Variants in ASCC3 observed in about 807,000 individuals in gnomAD.
The protein encoded by ASCC3 is activating signal cointegrator 1 complex subunit 3.
In ASCC3, 158 loss-of-function variants were observed where a neutral mutation model predicts 256.3. The ratio of observed to expected loss-of-function variants is 0.62; its 90% confidence interval spans 0.54 to 0.70. The LOEUF (loss-of-function observed/expected upper bound fraction) is 0.70. Among genes scored for constraint, ASCC3 ranks in the 30% least tolerant of loss-of-function variants. The pLI is 0.00. For missense variants in ASCC3, 2,259 were observed against 2,626.0 expected, an observed-to-expected ratio of 0.86 and a Z score of 3.05; for synonymous variants, 948 against 883.4, an observed-to-expected ratio of 1.07 and a Z score of -1.30.
intron 10 of ASCC3, among the ~76,000 whole-genome samples, chr6:100,763,072 G>C (rs1032269158): frequency 2.0e-5 from 3 of 152,116 alleles, no homozygotes; most frequent in Admixed American, 2.0e-4. Flanking sequence ...AGGAAAGCAA[G>C]AAATTCAAAC....
At chr6:100,865,785 T>C (rs181643324) in intron 2 of ASCC3, among the ~76,000 whole-genome samples, 1 of 152,298 alleles carries the variant, frequency 6.6e-6, no homozygotes, top group East Asian at 1.9e-4. Flanking sequence ...TCATATACTA[T>C]ATTACATGGT....
intron 10 of ASCC3, among the ~76,000 whole-genome samples, chr6:100,732,959 A>T (rs1006081773): frequency 1.3e-5 from 2 of 152,188 alleles, no homozygotes; most frequent in African/African-American, 4.8e-5. Flanking sequence ...AACTAACAAC[A>T]TTAGAAAAAA....
intron 36 of ASCC3, among the ~76,000 whole-genome samples, chr6:100,564,024 C>T (rs1020689452): frequency 7.3e-5 from 11 of 151,532 alleles, no homozygotes; most frequent in African/African-American, 2.7e-4. Flanking sequence ...CTGTTTGACG[C>T]CAAAGCCCAT....
intron 1 of ASCC3, among the ~76,000 whole-genome samples, chr6:100,872,467 G>GT (rs1355899932): frequency 3.8e-5 from 3 of 79,660 alleles, no homozygotes; most frequent in Non-Finnish European, 8.0e-5. Context: ...AAAAAAAAGG[G>GT]TCGGGGGGGG....
chr6:100,682,496 T>A (rs775106658), intron 13 of ASCC3, among the ~76,000 whole-genome samples: 3 of 152,178 alleles, frequency 2.0e-5, no homozygotes, highest in Non-Finnish European at 2.9e-5. Flanking sequence ...ATTGTACACA[T>A]AACTTAGGCA....
intron 13 of ASCC3, among the ~76,000 whole-genome samples, chr6:100,701,611 C>A (rs1329931458): frequency 2.0e-5 from 3 of 152,002 alleles, no homozygotes; most frequent in Non-Finnish European, 2.9e-5. Flanking sequence ...TGAGCAAAAC[C>A]AGAGACAGCC....
intron 13 of ASCC3, among the ~76,000 whole-genome samples, chr6:100,690,277 G>A (rs74978926): frequency 0.028 from 4,286 of 152,098 alleles, 175 homozygotes; most frequent in East Asian, 0.19. Flanking sequence ...AAAAGTCTAC[G>A]TGTCCAGTAC....
intron 30 of ASCC3, 138 bp from the exon 31 acceptor site, chr6:100,607,226 A>G (rs1463443500): frequency 3.4e-6 from 3 of 878,056 alleles, no homozygotes; most frequent in Non-Finnish European, 5.3e-6. Flanking sequence ...TACAGTTATG[A>G]TTAAAGTTCA....
At chr6:100,779,831 G>GA (rs1475291820) in intron 8 of ASCC3, among the ~76,000 whole-genome samples, 1 of 152,102 alleles carries the variant, frequency 6.6e-6, no homozygotes, top group Non-Finnish European at 1.5e-5. Context: ...AAACAACTTA[G>GA]AAATCAAGGC....
chr6:100,839,051 A>C (rs1237414349), intron 4 of ASCC3, among the ~76,000 whole-genome samples: 1 of 152,060 alleles, frequency 6.6e-6, no homozygotes, highest in African/African-American at 2.4e-5. Context: ...AATAAAATGC[A>C]TTTATCTTAT....
rs753564325 is a variant in ASCC3 at position 100,627,588 on chromosome 6, AC to A, written c.4642+1del. ...ATTTTATTCCAAGAATCTGAAGCTT[AC>A]CCTGAAATGCAGGCTTGTTCATACT... On this transcript the variant is annotated splice_donor_variant, in intron 29 of 41. Coordinates refer to ENST00000369162, the MANE Select transcript of ASCC3 (RefSeq NM_006828.4). 6.2e-7 allele frequency: 1 copy of A among 1,613,280 alleles called. No homozygotes were observed. The highest frequency in any genetic ancestry group is 1.7e-5 in the Admixed American group (1 of 59,912).
intron 36 of ASCC3, among the ~76,000 whole-genome samples, chr6:100,585,571 C>T (rs1771608895): frequency 6.6e-6 from 1 of 152,196 alleles, no homozygotes; most frequent in African/African-American, 2.4e-5. Flanking sequence ...AAGACTTCTT[C>T]TCTCAAATCA....
intron 10 of ASCC3, among the ~76,000 whole-genome samples, chr6:100,731,446 T>C (rs1259759761): frequency 1.3e-5 from 2 of 152,212 alleles, no homozygotes; most frequent in East Asian, 3.9e-4. Context: ...ACAAAATTGT[T>C]TATATTTCTG....
chr6:100,701,547 T>C (rs1411507051), intron 13 of ASCC3, among the ~76,000 whole-genome samples: 1 of 152,276 alleles, frequency 6.6e-6, no homozygotes, highest in East Asian at 1.9e-4. Flanking sequence ...TGCCTAACGG[T>C]GCATTTCTCA....
intron 36 of ASCC3, among the ~76,000 whole-genome samples, chr6:100,585,739 G>C (rs1291864736): frequency 6.6e-6 from 1 of 152,130 alleles, no homozygotes; most frequent in African/African-American, 2.4e-5. Context: ...TGATGATGGT[G>C]ATGTACAGAT....
intron 17 of ASCC3, among the ~76,000 whole-genome samples, chr6:100,654,817 T>C (rs991478028): frequency 1.3e-5 from 2 of 151,952 alleles, no homozygotes; most frequent in Middle Eastern, 3.4e-3. Context: ...CCCGCAAGCC[T>C]TAAGTTTCAA....
chr6:100,588,621 C>T (rs77885249), intron 36 of ASCC3, among the ~76,000 whole-genome samples: 2,434 of 152,228 alleles, frequency 0.016, 53 homozygotes, highest in African/African-American at 0.056. Context: ...CTGATTATTA[C>T]AGGATCTACC....
intron 5 of ASCC3, among the ~76,000 whole-genome samples, chr6:100,802,629 A>C (rs148922574): frequency 7.2e-5 from 11 of 152,244 alleles, no homozygotes; most frequent in Non-Finnish European, 1.2e-4. Flanking sequence ...AACATAAACA[A>C]AACTCATCTA....
intron 11 of ASCC3, among the ~76,000 whole-genome samples, chr6:100,724,920 A>G (rs1347436697): frequency 6.6e-6 from 1 of 152,020 alleles, no homozygotes; most frequent in Non-Finnish European, 1.5e-5. Flanking sequence ...ATCACAGTCT[A>G]TGAACGTCTA....
Sources: allele counts gnomAD v4.1 joint callset (sites outside exome capture counted in the v4.1 genomes callset), GRCh38; gene constraint gnomAD v4.1.1; transcripts MANE v1.5; gene names NCBI Gene and HGNC (gene_info 2026-07-23, HGNC 2026-07-21).